Variants in MRPS2 observed in about 807,000 individuals in gnomAD.
MRPS2 encodes small ribosomal subunit protein uS2m.
A neutral mutation model predicts 18.9 loss-of-function variants in MRPS2; 13 were observed. The ratio of observed to expected loss-of-function variants is 0.69; its 90% confidence interval spans 0.45 to 1.09. The LOEUF (loss-of-function observed/expected upper bound fraction) is 1.09, where lower values mean the gene tolerates loss of function less well. MRPS2 is among the 50% of genes least tolerant of loss of function. The pLI is 0.00. For missense variants in MRPS2, 389 were observed against 421.7 expected (o/e 0.92, Z 0.68); for synonymous variants, 186 against 178.4 (o/e 1.04, Z -0.34).
chr9:135,503,140 C>A, intron 3 of MRPS2: 1 of 1,052,034 alleles, frequency 9.5e-7, no homozygotes, highest in Non-Finnish European at 1.1e-6. Context: ...GCCCAGAGCA[C>A]CCCGCTAAGT....
In MRPS2 at chr9:135,504,001, C is replaced by T. The variant is rs1307446322; in HGVS notation, c.759C>T (p.Phe253=). 1 of 1,613,548 alleles carries T rather than the reference C, an allele frequency of 6.2e-7. No individual in the cohort carries two copies. Among genetic ancestry groups the T allele is most frequent in the South Asian group, 1.1e-5 (1 of 91,090 alleles). ...CTGTGCACCTCTACTGCAGGCTCTT[C>T]CAGACGGCCATCACCCGGGCCAAGG... ...PLAVHLYCRL[F]QTAITRAKEK... Residue 253 remains phenylalanine (F), a synonymous_variant, in exon 4 of 4, where the codon TTC becomes TTT. Coordinates refer to ENST00000241600, the MANE Select transcript of MRPS2 (RefSeq NM_016034.5). This position sits in a 1 kb window ranked among gnomAD's most constrained non-coding sequence, Gnocchi z 4.3.
chr9:135,502,082 C>G, intron 3 of MRPS2, 109 bp downstream of exon 3: 1 of 1,537,904 alleles, frequency 6.5e-7, no homozygotes, highest in Non-Finnish European at 8.7e-7. Flanking sequence ...TAGGTGATTA[C>G]AGCCCCATCC....
Position 135,501,047 on chromosome 9 carries a change from C to T in MRPS2, c.93C>T (p.Pro31=), listed in dbSNP as rs757108896. The T allele has an allele frequency of 1.1e-5, 18 of 1,610,874 alleles. No homozygotes were observed. The Middle Eastern group carries it at 4.9e-4, about 44-fold the overall frequency. Residue 31 remains proline (P), a synonymous_variant, in exon 2 of 4, where the codon CCC becomes CCT. Coordinates refer to ENST00000241600, the MANE Select transcript of MRPS2 (RefSeq NM_016034.5). ...RWLGFLGKAT[P]RPARPSRRTL... is the part of the protein sequence containing the mutation. Reference sequence around the variant, plus strand: ...TGGGCTTTCTCGGGAAGGCGACCCCCCGGCCTGCTCGGCCGAGCCGCAGGA... The same window carrying T: ...TGGGCTTTCTCGGGAAGGCGACCCCTCGGCCTGCTCGGCCGAGCCGCAGGA...
upstream of MRPS2, chr9:135,499,997 A>G: frequency 1.1e-6 from 1 of 918,206 alleles, no homozygotes; most frequent in Non-Finnish European, 1.5e-6. Flanking sequence ...CTGCCGGGCG[A>G]CTCCCCAAGG....
chr9:135,503,875 C>T lies in MRPS2; in HGVS notation c.633C>T (p.Asp211=), dbSNP rs1267718756. 1.1e-5 allele frequency: 17 copies of T among 1,613,890 alleles called. No homozygotes were observed. Among genetic ancestry groups the T allele is most frequent in the Admixed American group, 5.0e-5 (3 of 60,004 alleles). ...NIFEPHVAVR[D]AAKMNIPTVG... is the part of the protein sequence containing the mutation. ...TTGAGCCACACGTGGCCGTGAGAGA[C>T]GCAGCCAAGATGAACATCCCCACAG... Residue 211 remains aspartate, a synonymous_variant, in exon 4 of 4, where the codon GAC becomes GAT. Transcript: ENST00000241600.
Position 135,500,911 on chromosome 9 carries a change from C to T in MRPS2, c.44-87C>T, listed in dbSNP as rs539303120. On this transcript the variant is annotated intron_variant, in intron 1 of 3. Coordinates refer to ENST00000241600, the MANE Select transcript of MRPS2 (RefSeq NM_016034.5). The stretch of plus-strand genomic sequence containing the variant: ...GGACGCGGAGGGGACCCGTTAGGGA[C>T]GCGGAGGGGCCCGTTGGGGATGCGG... 8,994 of 1,581,696 alleles carry T rather than the reference C, an allele frequency of 5.7e-3. 38 individuals carry two copies. Among genetic ancestry groups the T allele is most frequent in the Middle Eastern group, 0.017 (97 of 5,576 alleles).
chr9:135,504,280 C>T lies in MRPS2; in HGVS notation c.*147C>T. ...AGACATCCACCGTTCCACCACAGAA[C>T]CAGTGGCTGAGCGGACCAACGTTGC... On this transcript the variant is annotated 3_prime_UTR_variant, in exon 4 of 4. Transcript: ENST00000241600. The surrounding 1 kb of genome is among the most constrained non-coding windows in gnomAD (Gnocchi z 4.3). The T allele has an allele frequency of 1.3e-6, 1 of 794,746 alleles. No individual in the cohort carries two copies. The allele number at this position is 794,746 out of a possible 1,614,324, so 49.2% of individuals were successfully genotyped here.
intron 3 of MRPS2, chr9:135,503,006 C>T (rs78100744): frequency 0.063 from 43,537 of 690,754 alleles, 1,441 homozygotes; most frequent in South Asian, 0.11. Context: ...TGTCACGCAC[C>T]GAGAGGCGGG....
intron 3 of MRPS2, among the ~76,000 whole-genome samples, chr9:135,502,892 C>T (rs1256910398): frequency 2.6e-5 from 4 of 152,126 alleles, no homozygotes; most frequent in Non-Finnish European, 5.9e-5. Flanking sequence ...AGATGGAGGT[C>T]GCCAGTGCCT....
chr9:135,501,691 G>A, intron 2 of MRPS2, 153 bp from the exon 3 acceptor site: 1 of 1,458,736 alleles, frequency 6.9e-7, no homozygotes, highest in Non-Finnish European at 9.0e-7. Flanking sequence ...AGGTCCCTGT[G>A]CTTCCAGGTC....
intron 3 of MRPS2, chr9:135,503,263 C>T: frequency 7.7e-7 from 1 of 1,297,476 alleles, no homozygotes; most frequent in Non-Finnish European, 9.8e-7. Flanking sequence ...GTTGGATGTC[C>T]ACACATCCAT....
chr9:135,503,957 A>G lies in MRPS2; in HGVS notation c.715A>G (p.Asn239Asp). The change falls in exon 4 of 4, where the codon AAT becomes GAT. Residue 239 changes from asparagine to aspartate, a missense_variant. By Grantham distance (23) the Asn-to-Asp change is conservative. Coordinates refer to ENST00000241600, the MANE Select transcript of MRPS2 (RefSeq NM_016034.5). ...PCLITYPVPG[N>D]DDSPLAVHLY... ...CCTCATCACCTACCCTGTACCCGGC[A>G]ATGACGACTCTCCGCTGGCTGTGCA... is the stretch of plus-strand genomic sequence containing the variant. 6.2e-7 allele frequency: 1 copy of G among 1,613,870 alleles called. No individual in the cohort carries two copies. The highest frequency in any genetic ancestry group is 8.5e-7 in the Non-Finnish European group (1 of 1,180,028).
Position 135,503,982 on chromosome 9 carries a change from A to T in MRPS2, c.740A>T (p.His247Leu), listed in dbSNP as rs757035832. ...AATGACGACTCTCCGCTGGCTGTGC[A>T]CCTCTACTGCAGGCTCTTCCAGACG... is the stretch of plus-strand genomic sequence containing the variant. ...PGNDDSPLAV[H>L]LYCRLFQTAI... The change falls in exon 4 of 4, where the codon CAC (histidine) becomes CTC (leucine). Residue 247 changes from histidine (H) to leucine (L), a missense_variant. His to Leu is a moderately conservative substitution (Grantham distance 99). Transcript: ENST00000241600. 3.7e-6 allele frequency: 6 copies of T among 1,613,476 alleles called. No individual in the cohort carries two copies. In the African/African-American group the frequency reaches 5.3e-5, roughly 14 times the overall value.
chr9:135,500,621 C>A (rs1831087342), upstream of MRPS2: 1 of 1,328,000 alleles, frequency 7.5e-7, no homozygotes. Context: ...GGCCTGTAGG[C>A]GGCACTGCGG....
chr9:135,500,736 C>G lies in MRPS2; in HGVS notation c.26C>G (p.Pro9Arg). MATSSAAL[P>R]RILGAGARAP... Reference sequence around the variant, plus strand: ...ATGGCGACATCCTCGGCCGCGCTGCCCCGAATACTCGGCGCGGGTGAGCGC... The same window carrying G: ...ATGGCGACATCCTCGGCCGCGCTGCGCCGAATACTCGGCGCGGGTGAGCGC... Residue 9 changes from proline (P) to arginine (R), a missense_variant, in exon 1 of 4, where the codon CCC (proline) becomes CGC (arginine). Coordinates refer to ENST00000241600, the MANE Select transcript of MRPS2 (RefSeq NM_016034.5). The G allele has an allele frequency of 6.7e-7, 1 of 1,486,776 alleles. No individual in the cohort carries two copies. The highest frequency in any genetic ancestry group is 1.3e-5 in the South Asian group (1 of 75,412). 92.1% of individuals were successfully genotyped at this position (1,486,776 alleles called of 1,614,324 possible). A position where few individuals can be genotyped will look rare whatever the true frequency, so the allele number is the denominator to read the frequency against.
At chr9:135,501,730 C>A in intron 2 of MRPS2, 114 bp from the exon 3 acceptor site, 1 of 1,526,618 alleles carries the variant, frequency 6.6e-7, no homozygotes, top group Non-Finnish European at 8.8e-7. Flanking sequence ...CTCCCGGCTC[C>A]CCACCTCGGT....
In MRPS2 at chr9:135,500,702, G is replaced by A. The variant is rs1357074808; in HGVS notation, c.-9G>A. On this transcript the variant is annotated 5_prime_UTR_variant, in exon 1 of 4. Coordinates refer to ENST00000241600, the MANE Select transcript of MRPS2 (RefSeq NM_016034.5). ...GGAGGGAGACCTCGCTCTGCCCCGCGTCCCAGCCATGGCGACATCCTCGGC... is the reference window on the plus strand; with the variant it reads ...GGAGGGAGACCTCGCTCTGCCCCGCATCCCAGCCATGGCGACATCCTCGGC... The A allele has an allele frequency of 1.4e-5, 20 of 1,468,484 alleles. No homozygotes were observed. In the Admixed American group the frequency reaches 1.5e-4, roughly 11 times the overall value. 91.0% of individuals were successfully genotyped at this position (1,468,484 alleles called of 1,614,324 possible). A position where few individuals can be genotyped will look rare whatever the true frequency, so the allele number is the denominator to read the frequency against.
upstream of MRPS2, chr9:135,500,022 G>C: frequency 2.8e-6 from 2 of 719,576 alleles, no homozygotes; most frequent in Non-Finnish European, 4.3e-6. Context: ...GGAAGGTCGG[G>C]ACGGCGAGAG....
At chr9:135,500,550 C>A, upstream of MRPS2, 5 of 714,302 alleles carry the variant, frequency 7.0e-6, no homozygotes, top group South Asian at 7.8e-5. Flanking sequence ...CCTGACCCCT[C>A]GCGTGCCCCG....
Sources: allele counts gnomAD v4.1 joint callset (sites outside exome capture counted in the v4.1 genomes callset), GRCh38; gene constraint gnomAD v4.1.1; non-coding constraint Gnocchi (gnomAD v3.1); transcripts MANE v1.5; gene names NCBI Gene and HGNC (gene_info 2026-07-23, HGNC 2026-07-21).